USP24: variants seen among roughly 807,000 people sequenced by gnomAD.
The protein encoded by USP24 is ubiquitin carboxyl-terminal hydrolase 24.
Under a neutral mutation model 361.6 loss-of-function variants are expected in USP24, and 97 were observed. That is an observed-to-expected ratio of 0.27 (90% confidence interval 0.23 to 0.32). The LOEUF (loss-of-function observed/expected upper bound fraction) is 0.32. Ranked by LOEUF, USP24 falls within the 10% of genes least tolerant of loss-of-function variation. The pLI is 1.00. For missense variants in USP24, 2,353 were observed against 3,165.6 expected (o/e 0.74, Z 6.16); for synonymous variants, 1,098 against 1,124.6 (o/e 0.98, Z 0.47).
At chr1:55,161,246 C>T (rs1648244718) in intron 8 of USP24, among the ~76,000 whole-genome samples, 1 of 151,790 alleles carries the variant, frequency 6.6e-6, no homozygotes, top group Non-Finnish European at 1.5e-5. Context: ...GTGGCACGTG[C>T]ATGTAGTCCC....
At position 55,162,298 on chromosome 1, in the gene USP24, T is replaced by C. The variant is rs192512038; in HGVS notation, c.928-34A>G. The C allele has an allele frequency of 4.0e-5, 60 of 1,494,954 alleles. 1 individual carries two copies. In the Admixed American group the frequency reaches 1.2e-3, roughly 30 times the overall value. 92.6% of individuals were successfully genotyped at this position (1,494,954 alleles called of 1,614,324 possible). A position where few individuals can be genotyped will look rare whatever the true frequency, so the allele number is the denominator to read the frequency against. ...AGACAGTGAAGATTAAAAATACATT[T>C]GAGAGGATTTTTTTCCTGTCAAAAT... On this transcript the variant is annotated intron_variant, in intron 7 of 67. Coordinates refer to ENST00000294383, the MANE Select transcript of USP24 (RefSeq NM_015306.3).
chr1:55,085,203 G>A (rs900759921), intron 56 of USP24, among the ~76,000 whole-genome samples: 1 of 152,046 alleles, frequency 6.6e-6, no homozygotes, highest in Non-Finnish European at 1.5e-5. Context: ...CCTTCCTAAG[G>A]GGCATATTTG....
intron 1 of USP24, among the ~76,000 whole-genome samples, chr1:55,184,962 T>A (rs1303621036): frequency 1.3e-5 from 2 of 150,298 alleles, no homozygotes; most frequent in African/African-American, 2.5e-5. Flanking sequence ...GATTTTTATT[T>A]TTATTTTTTT....
intron 55 of USP24, chr1:55,086,309 C>CA: frequency 2.1e-6 from 1 of 479,606 alleles, no homozygotes; most frequent in Non-Finnish European, 3.8e-6. Flanking sequence ...GAAGTACTCC[C>CA]ATAATGTTCA....
At chr1:55,069,900 A>AAAAAAAT (rs1644885540) in intron 67 of USP24, among the ~76,000 whole-genome samples, 1 of 113,936 alleles carries the variant, frequency 8.8e-6, no homozygotes, top group African/African-American at 3.3e-5. Context: ...AAAAAAAAAA[A>AAAAAAAT]TCAGAAAATG....
chr1:55,165,967 C>T lies in USP24; in HGVS notation c.862-17G>A. 6.3e-7 allele frequency: 1 copy of T among 1,599,594 alleles called. No homozygotes were observed. Among genetic ancestry groups the T allele is most frequent in the African/African-American group, 1.3e-5 (1 of 74,266 alleles). ...TTCTCCAAACTGAGAAGAAAAAAGG[C>T]ACACATTAAGTTATTTTTCTCTTTA... On this transcript the variant is annotated splice_polypyrimidine_tract_variant and intron_variant, in intron 6 of 67. Transcript: ENST00000294383.
rs1459469150 is a variant in USP24, at chr1:55,124,400, C to A, written c.4120+69G>T. 5 of 1,526,600 alleles carry A rather than the reference C, an allele frequency of 3.3e-6. No homozygotes were observed. The African/African-American group carries it at 5.5e-5, about 17-fold the overall frequency. 94.6% of individuals were successfully genotyped at this position (1,526,600 alleles called of 1,614,324 possible). A position where few individuals can be genotyped will look rare whatever the true frequency, so the allele number is the denominator to read the frequency against. On this transcript the variant is annotated intron_variant, in intron 35 of 67. Transcript: ENST00000294383. ...CTCCCATTTTTGTGACTCTGGCAAA[C>A]CTACACACAGAATTCTTATGGTTAT...
intron 39 of USP24, among the ~76,000 whole-genome samples, chr1:55,108,691 G>A (rs567734): frequency 0.74 from 112,806 of 152,104 alleles, 43,099 homozygotes; most frequent in East Asian, 0.96. Flanking sequence ...CAACAACACA[G>A]GGAAGGTCTA....
In USP24 at chr1:55,147,659, G is replaced by A; in HGVS notation, c.2108C>T (p.Thr703Ile). ...CACAAGGCCTGATACCTCCCGGTAAGTGTACCGGCCATCCACTAGTGTCGA... is the reference window on the plus strand; with the variant it reads ...CACAAGGCCTGATACCTCCCGGTAAATGTACCGGCCATCCACTAGTGTCGA... ...SGSTLVDGRY[T>I]YREYLEAHLK... The change falls in exon 18 of 68, where the codon ACT (threonine) becomes ATT (isoleucine). Residue 703 changes from threonine to isoleucine, a missense_variant. Around this residue, in one of 8 missense-constraint regions of USP24, gnomAD observed 949 missense variants for 1,280.5 expected, o/e 0.74. Transcript: ENST00000294383. The A allele has an allele frequency of 6.2e-7, 1 of 1,609,126 alleles. No individual in the cohort carries two copies. Among genetic ancestry groups the A allele is most frequent in the Non-Finnish European group, 8.5e-7 (1 of 1,177,842 alleles).
chr1:55,163,300 A>C (rs556742540), intron 7 of USP24, among the ~76,000 whole-genome samples: 12 of 152,184 alleles, frequency 7.9e-5, no homozygotes, highest in African/African-American at 2.9e-4. Context: ...TGAAACTTCT[A>C]TATAGCAAAA....
intron 32 of USP24, among the ~76,000 whole-genome samples, chr1:55,127,256 C>T (rs1646458286): frequency 6.6e-6 from 1 of 152,054 alleles, no homozygotes; most frequent in Non-Finnish European, 1.5e-5. Flanking sequence ...TGTGATGTTC[C>T]CCTTCCTGTG....
intron 37 of USP24, among the ~76,000 whole-genome samples, 193 bp downstream of exon 37, chr1:55,121,243 T>C (rs1328345156): frequency 1.3e-5 from 2 of 152,198 alleles, no homozygotes; most frequent in African/African-American, 2.4e-5. Flanking sequence ...TGGTGGCATA[T>C]GGAGGAGGTA....
chr1:55,109,715 C>T (rs536670972), intron 39 of USP24, among the ~76,000 whole-genome samples: 2 of 152,246 alleles, frequency 1.3e-5, no homozygotes, highest in East Asian at 3.9e-4. Flanking sequence ...AGTACATTTA[C>T]ATTATTTAAG....
Position 55,106,471 on chromosome 1 carries a change from G to A in USP24, c.4763-208C>T, listed in dbSNP as rs79812129. Reference sequence around the variant, plus strand: ...CAAAGGGGACAGAATACAAAGACAGGCAGGTGAGGGTGTGTTCCTTTATGG... The same window carrying A: ...CAAAGGGGACAGAATACAAAGACAGACAGGTGAGGGTGTGTTCCTTTATGG... On this transcript the variant is annotated intron_variant, in intron 40 of 67. Transcript: ENST00000294383. Among the ~76,000 whole-genome samples the A allele has an allele frequency of 4.4e-3, 666 of 152,314 alleles. 2 individuals are homozygous for A. The highest frequency in any genetic ancestry group is 0.016 in the African/African-American group (646 of 41,566).
chr1:55,173,576 C>A (rs1031081281), intron 3 of USP24, among the ~76,000 whole-genome samples: 1 of 152,012 alleles, frequency 6.6e-6, no homozygotes, highest in African/African-American at 2.4e-5. Context: ...AACAAATATT[C>A]AAAGGGAAAA....
At chr1:55,179,958 T>C (rs1643915055) in intron 1 of USP24, among the ~76,000 whole-genome samples, 1 of 152,206 alleles carries the variant, frequency 6.6e-6, no homozygotes, top group South Asian at 2.1e-4. Flanking sequence ...TTCATGGCTT[T>C]TCTCTGTTCT....
chr1:55,167,314 T>C (rs1369872214), intron 5 of USP24, among the ~76,000 whole-genome samples: 1 of 151,990 alleles, frequency 6.6e-6, no homozygotes, highest in African/African-American at 2.4e-5. Flanking sequence ...GATGTAGCCG[T>C]TTAAAGAACA....
At chr1:55,181,917 T>C (rs1296659842) in intron 1 of USP24, among the ~76,000 whole-genome samples, 1 of 152,160 alleles carries the variant, frequency 6.6e-6, no homozygotes, top group Non-Finnish European at 1.5e-5. Flanking sequence ...ATAAAACTTG[T>C]GTCTTAATGA....
intron 42 of USP24, among the ~76,000 whole-genome samples, chr1:55,102,689 T>TAA (rs200095828): frequency 6.8e-6 from 1 of 146,958 alleles, no homozygotes; most frequent in African/African-American, 2.5e-5. Context: ...AGCATAGATT[T>TAA]AAAAAAAAAA....
Sources: gnomAD v4.1 joint callset for allele counts (sites outside exome capture counted in the v4.1 genomes callset) on GRCh38, gnomAD v4.1.1 for gene constraint, gnomAD v4.1.1 regional missense constraint, MANE v1.5 for transcripts, NCBI Gene and HGNC (gene_info 2026-07-23, HGNC 2026-07-21) for gene names.